Variants in NTM observed in about 807,000 individuals in gnomAD.
NTM encodes the protein neurotrimin.
NTM carries 13 observed loss-of-function variants against 42.1 expected under a neutral mutation model. The ratio of observed to expected loss-of-function variants is 0.31; its 90% CI spans 0.20 to 0.49. The LOEUF (loss-of-function observed/expected upper bound fraction) is 0.49. Among genes scored for constraint, NTM ranks in the 20% least tolerant of loss-of-function variants. NTM has a pLI of 0.99. For missense variants in NTM, 373 were observed against 452.8 expected, an observed-to-expected ratio of 0.82 and a Z score of 1.60; for synonymous variants, 187 against 179.2, an observed-to-expected ratio of 1.04 and a Z score of -0.35.
intron 1 of NTM, among the ~76,000 whole-genome samples, chr11:131,690,082 C>A (rs569336149): frequency 2.0e-5 from 3 of 152,114 alleles, no homozygotes; most frequent in African/African-American, 7.2e-5. Flanking sequence ...GAGATCAGCA[C>A]GTCTCTCCCC....
intron 1 of NTM, among the ~76,000 whole-genome samples, chr11:131,676,775 A>G (rs1263823212): frequency 6.6e-6 from 1 of 152,190 alleles, no homozygotes; most frequent in Non-Finnish European, 1.5e-5. Context: ...TTTACTATGC[A>G]CCTTCTAAGA....
intron 7 of NTM, among the ~76,000 whole-genome samples, chr11:132,327,518 CAGAA>C (rs1234816005): frequency 6.6e-6 from 1 of 152,134 alleles, no homozygotes; most frequent in Non-Finnish European, 1.5e-5. Flanking sequence ...GTCTAGATAA[CAGAA>C]AGCACAAAAG....
intron 1 of NTM, among the ~76,000 whole-genome samples, chr11:131,679,217 C>T (rs2071977068): frequency 6.6e-6 from 1 of 152,116 alleles, no homozygotes; most frequent in Non-Finnish European, 1.5e-5. Context: ...CCCTCCAGCT[C>T]TTCACCCATC....
chr11:131,855,829 G>A (rs1194574891), intron 1 of NTM, among the ~76,000 whole-genome samples: 1 of 152,158 alleles, frequency 6.6e-6, no homozygotes, highest in Non-Finnish European at 1.5e-5. Context: ...TCCCTGCATG[G>A]ATTTTGACTT....
chr11:131,879,243 G>T (rs1292466993), intron 1 of NTM, among the ~76,000 whole-genome samples: 2 of 152,104 alleles, frequency 1.3e-5, no homozygotes, highest in African/African-American at 4.8e-5. Context: ...CATCCCAGGG[G>T]TGCATCTGGG....
intron 1 of NTM, among the ~76,000 whole-genome samples, chr11:131,630,824 T>C (rs1436184929): frequency 6.6e-6 from 1 of 152,236 alleles, no homozygotes; most frequent in African/African-American, 2.4e-5. Context: ...ATCTTTGGCA[T>C]ACTACATGAA....
In NTM at chr11:131,615,261, T is replaced by C. The variant is rs74849108; in HGVS notation, c.82+244373T>C. Among the ~76,000 whole-genome samples, 106 of 152,274 alleles carry C rather than the reference T, an allele frequency of 7.0e-4. 2 individuals carry two copies. In the East Asian group the frequency reaches 0.018, roughly 26 times the overall value. ...TCAGCCTCAGATTCCTCTGTGGCAA[T>C]ATAGAGATGTCACAGTATCTGCATC... On this transcript the variant is annotated intron_variant, in intron 1 of 8. Coordinates refer to ENST00000683400, the MANE Select transcript of NTM (RefSeq NM_001352005.2).
chr11:132,321,146 C>T (rs1342752526), intron 7 of NTM, among the ~76,000 whole-genome samples: 2 of 152,222 alleles, frequency 1.3e-5, no homozygotes, highest in African/African-American at 2.4e-5. Context: ...AATGCAGCTC[C>T]TCACCAGCAA....
At chr11:131,676,186 G>T (rs1173764979) in intron 1 of NTM, among the ~76,000 whole-genome samples, 1 of 152,186 alleles carries the variant, frequency 6.6e-6, no homozygotes, top group Non-Finnish European at 1.5e-5. Flanking sequence ...TCTCAAAACA[G>T]GTGAACATAG....
intron 1 of NTM, among the ~76,000 whole-genome samples, chr11:131,567,147 T>A (rs1298897794): frequency 6.6e-6 from 1 of 151,450 alleles, no homozygotes; most frequent in Non-Finnish European, 1.5e-5. Flanking sequence ...AGAGACCCTG[T>A]GGGGGACTGG....
chr11:132,049,305 C>T (rs2078502710), intron 2 of NTM, among the ~76,000 whole-genome samples: 2 of 152,194 alleles, frequency 1.3e-5, no homozygotes, highest in Non-Finnish European at 2.9e-5. Flanking sequence ...CTGTGAGACT[C>T]ACATCTACAG....
At chr11:131,685,913 C>T (rs1334448460) in intron 1 of NTM, among the ~76,000 whole-genome samples, 2 of 152,234 alleles carry the variant, frequency 1.3e-5, no homozygotes, top group African/African-American at 4.8e-5. Flanking sequence ...CCAGCTCTGA[C>T]ATCCCACAGC....
At chr11:131,770,991 C>T (rs935922602) in intron 1 of NTM, 4 of 152,180 alleles carry the variant, frequency 2.6e-5, no homozygotes, top group African/African-American at 9.7e-5. Flanking sequence ...ATGATGTCGC[C>T]TTTCACATTT....
At chr11:131,683,621 C>A (rs1284615673) in intron 1 of NTM, among the ~76,000 whole-genome samples, 1 of 152,224 alleles carries the variant, frequency 6.6e-6, no homozygotes, top group Non-Finnish European at 1.5e-5. Context: ...TCACACTAAA[C>A]CTGCCCTGCA....
intron 1 of NTM, among the ~76,000 whole-genome samples, chr11:131,754,022 T>C (rs2082946192): frequency 1.3e-5 from 2 of 149,864 alleles, no homozygotes; most frequent in Admixed American, 1.4e-4. Context: ...CTCAGCAAAC[T>C]ACTGCAAGGA....
At chr11:132,303,715 A>C (rs1457310308) in intron 4 of NTM, among the ~76,000 whole-genome samples, 2 of 14,332 alleles carry the variant, frequency 1.4e-4, no homozygotes, top group Non-Finnish European at 2.3e-4. Flanking sequence ...TAGGTGACAA[A>C]AAAAAAAAAA....
intron 1 of NTM, among the ~76,000 whole-genome samples, chr11:131,383,109 G>A (rs534246394): frequency 1.3e-4 from 20 of 152,090 alleles, no homozygotes; most frequent in Non-Finnish European, 2.4e-4. Context: ...TTTCGATCCC[G>A]ATGAGATGTC....
chr11:131,994,756 A>G (rs1379482636), intron 2 of NTM, among the ~76,000 whole-genome samples: 1 of 152,152 alleles, frequency 6.6e-6, no homozygotes, highest in African/African-American at 2.4e-5. Context: ...CCTGGACACC[A>G]GATCTATTTC....
chr11:132,203,029 G>A (rs1368548942), intron 3 of NTM, among the ~76,000 whole-genome samples: 1 of 152,204 alleles, frequency 6.6e-6, no homozygotes, highest in African/African-American at 2.4e-5. Flanking sequence ...CTCTCATTTG[G>A]AATTCTGATT....
Sources: gnomAD v4.1 joint callset for allele counts (sites outside exome capture counted in the v4.1 genomes callset) on GRCh38, gnomAD v4.1.1 for gene constraint, MANE v1.5 for transcripts, NCBI Gene and HGNC (gene_info 2026-07-23, HGNC 2026-07-21) for gene names.